The following VWA5B2 variants were observed in gnomAD, a reference collection of about 807,000 sequenced individuals.
The protein encoded by VWA5B2 is von Willebrand factor A domain containing 5B2.
A neutral mutation model predicts 118.5 loss-of-function variants in VWA5B2; 93 were observed. The observed-to-expected ratio is 0.79, with a 90% CI of 0.66 to 0.93. VWA5B2 has a LOEUF of 0.93. VWA5B2 is among the 40% of genes least tolerant of loss of function. The pLI is 0.00. For synonymous variants in VWA5B2, 708 were observed against 716.3 expected (o/e 0.99, Z 0.19); for missense variants, 1,546 against 1,672.8 (o/e 0.92, Z 1.32).
At position 184,234,159 on chromosome 3, in the gene VWA5B2, A is replaced by T. The variant is rs1031486887; in HGVS notation, c.689-107A>T. ...CCCTCGTCCATCTGACCCCATATAG[A>T]TCAGACTCTGAGAGCTGACTGAATC... On this transcript the variant is annotated intron_variant, in intron 5 of 19. Coordinates refer to ENST00000691901, the MANE Select transcript of VWA5B2 (RefSeq NM_001390846.1). 8.7e-6 allele frequency: 12 copies of T among 1,377,644 alleles called. No individual in the cohort carries two copies. The African/African-American group carries it at 1.7e-4, about 20-fold the overall frequency. The allele number at this position is 1,377,644 out of a possible 1,614,324, so 85.3% of individuals were successfully genotyped here.
At position 184,236,136 on chromosome 3, in the gene VWA5B2, C is replaced by T; in HGVS notation, c.1102-16C>T. 6.5e-7 allele frequency: 1 copy of T among 1,550,222 alleles called. No homozygotes were observed. Among genetic ancestry groups the T allele is most frequent in the Non-Finnish European group, 8.7e-7 (1 of 1,146,448 alleles). The stretch of plus-strand genomic sequence containing the variant: ...CATGGGGCCGGCCTCACGCCGCCCT[C>T]CCTGGCCCTCCACAGGATGCCATTG... On this transcript the variant is annotated splice_polypyrimidine_tract_variant and intron_variant, in intron 8 of 19. Transcript: ENST00000691901.
intron 6 of VWA5B2, 110 bp from the exon 7 acceptor site, chr3:184,234,521 C>A: frequency 6.6e-7 from 1 of 1,523,478 alleles, no homozygotes; most frequent in African/African-American, 1.4e-5. Flanking sequence ...GAGGGCAGAG[C>A]CTGTGGTGCA....
rs1309478848 is a variant in VWA5B2 at position 184,230,442 on chromosome 3, G to C, written c.-87G>C. 3.8e-6 allele frequency: 5 copies of C among 1,326,670 alleles called. No homozygotes were observed. In the African/African-American group the frequency reaches 6.2e-5, roughly 17 times the overall value. 82.2% of individuals were successfully genotyped at this position (1,326,670 alleles called of 1,614,324 possible). On this transcript the variant is annotated 5_prime_UTR_variant, in exon 2 of 20. Transcript: ENST00000691901. The stretch of plus-strand genomic sequence containing the variant: ...CCGGGTGCTGGAGTGAGACTCTCGC[G>C]CTGGCCTCTGGAGCGCGGGGTGGGC...
intron 10 of VWA5B2, 37 bp downstream of exon 10, chr3:184,236,588 C>G: frequency 6.5e-7 from 1 of 1,547,802 alleles, no homozygotes; most frequent in Non-Finnish European, 8.7e-7. Flanking sequence ...TAAGACTGAG[C>G]CCCCACAAGG....
At chr3:184,236,787 A>C (rs1296355485) in intron 11 of VWA5B2, 38 bp downstream of exon 11, 4 of 1,450,408 alleles carry the variant, frequency 2.8e-6, no homozygotes, top group Non-Finnish European at 2.8e-6. Context: ...TACACCTGGA[A>C]GTTTTTCTCC....
At position 184,231,002 on chromosome 3, in the gene VWA5B2, C is replaced by T. The variant is rs561715860; in HGVS notation, c.310+85C>T. 6.7e-6 allele frequency: 8 copies of T among 1,195,100 alleles called. No individual in the cohort carries two copies. The African/African-American group carries it at 1.3e-4, about 19-fold the overall frequency. The allele number at this position is 1,195,100 out of a possible 1,614,324, so 74.0% of individuals were successfully genotyped here. A position where few individuals can be genotyped will look rare whatever the true frequency, so the allele number is the denominator to read the frequency against. On this transcript the variant is annotated intron_variant, in intron 3 of 19. Transcript: ENST00000691901. Reference sequence around the variant, plus strand: ...ATCCGCTCGGCCTCCGCCCGTCCCCCGCCTTCCTCCGGGCACTGCCTTGTG... The same window carrying T: ...ATCCGCTCGGCCTCCGCCCGTCCCCTGCCTTCCTCCGGGCACTGCCTTGTG...
chr3:184,240,969 CCTCACTGGCCACT>C, intron 17 of VWA5B2, 41 bp downstream of exon 17: 1 of 1,551,520 alleles, frequency 6.4e-7, no homozygotes. Flanking sequence ...GCAGCTCTCA[CCTCACTGGCCACT>C]CTCCTGGACA....
At chr3:184,234,563 A>C (rs1717758827) in intron 6 of VWA5B2, 68 bp from the exon 7 acceptor site, 1 of 1,535,112 alleles carries the variant, frequency 6.5e-7, no homozygotes, top group Non-Finnish European at 8.8e-7. Flanking sequence ...CCTCCTGGAC[A>C]GTGAAACTGG....
At position 184,241,261 on chromosome 3, in the gene VWA5B2, C is replaced by T. The variant is rs1327560125; in HGVS notation, c.3037C>T (p.Pro1013Ser). The T allele has an allele frequency of 8.4e-6, 13 of 1,551,316 alleles. No individual in the cohort carries two copies. Among genetic ancestry groups the T allele is most frequent in the Non-Finnish European group, 1.1e-5 (13 of 1,146,964 alleles). The change falls in exon 19 of 20, where the codon CCT (proline) becomes TCT (serine). Residue 1013 changes from proline to serine, a missense_variant. Around this residue, in one of 3 missense-constraint regions of VWA5B2, gnomAD observed 763 missense variants for 766.6 expected, o/e 1.00. Transcript: ENST00000691901. The surrounding 1 kb of genome is among the most constrained non-coding windows in gnomAD (Gnocchi z 5.1). ...NGNSKRALGDPATPTEGPRRP... is the reference protein window; with the variant it reads ...NGNSKRALGDSATPTEGPRRP... ...CAACTCCAAGCGTGCTTTGGGGGACCCTGCCACTCCCACGGAAGGTCCTCG... is the reference window on the plus strand; with the variant it reads ...CAACTCCAAGCGTGCTTTGGGGGACTCTGCCACTCCCACGGAAGGTCCTCG...
chr3:184,236,346 G>A lies in VWA5B2; in HGVS notation c.1216G>A (p.Ala406Thr). ...AGCCTGTGCCTTCTCGCTCCAGGATGCTGTGCAGCTGATCTGCGAGAGCAT... is the reference window on the plus strand; with the variant it reads ...AGCCTGTGCCTTCTCGCTCCAGGATACTGTGCAGCTGATCTGCGAGAGCAT... ...FPESRPCSDD[A>T]VQLICESIET... Residue 406 changes from alanine (A) to threonine (T), a missense_variant, in exon 10 of 20, where the codon GCT (alanine) becomes ACT (threonine). Physicochemically the swap from Ala to Thr is moderately conservative, Grantham distance 58. Transcript: ENST00000691901. The A allele has an allele frequency of 6.5e-7, 1 of 1,547,542 alleles. No homozygotes were observed.
chr3:184,239,867 T>A lies in VWA5B2; in HGVS notation c.2571T>A (p.Gly857=). ...AGCAGCCCATGTGCTGGGAGGTGGG[T>A]GTTGGGCTGGAGACACTGTGGGGAC... ...CGEQPMCWEV[G]VGLETLWGPG... The change falls in exon 16 of 20, where the codon GGT becomes GGA. Residue 857 remains glycine (G), a synonymous_variant. Coordinates refer to ENST00000691901, the MANE Select transcript of VWA5B2 (RefSeq NM_001390846.1). The surrounding 1 kb of genome is among the most constrained non-coding windows in gnomAD (Gnocchi z 5.1). 6.4e-7 allele frequency: 1 copy of A among 1,551,438 alleles called. No individual in the cohort carries two copies. The highest frequency in any genetic ancestry group is 8.7e-7 in the Non-Finnish European group (1 of 1,146,908).
chr3:184,235,055 G>T (rs1717824427), intron 7 of VWA5B2, 98 bp from the exon 8 acceptor site: 1 of 1,404,194 alleles, frequency 7.1e-7, no homozygotes, highest in Non-Finnish European at 9.6e-7. Flanking sequence ...CCTCTGGGTG[G>T]ATCAGACAGA....
chr3:184,233,275 C>A lies in VWA5B2; in HGVS notation c.408C>A (p.Ser136Arg). 6.5e-7 allele frequency: 1 copy of A among 1,545,330 alleles called. No individual in the cohort carries two copies. The highest frequency in any genetic ancestry group is 8.7e-7 in the Non-Finnish European group (1 of 1,144,228). ...GCACCATGACGGTGACCCTGCACAG[C>A]AGCCGGGAGCTGCCCTCAAGGCCTG... ...AAGTMTVTLH[S>R]SRELPSRPDG... Residue 136 changes from serine (S) to arginine (R), a missense_variant, in exon 4 of 20, where the codon AGC becomes AGA. Transcript: ENST00000691901. The surrounding 1 kb of genome is among the most constrained non-coding windows in gnomAD (Gnocchi z 5.2).
rs1308208971 is a variant in VWA5B2 at position 184,233,570 on chromosome 3, T to A, written c.531-6T>A. 4 of 1,549,780 alleles carry A rather than the reference T, an allele frequency of 2.6e-6. No individual in the cohort carries two copies. In the Admixed American group the frequency reaches 7.9e-5, roughly 30 times the overall value. On this transcript the variant is annotated splice_region_variant and splice_polypyrimidine_tract_variant and intron_variant, in intron 4 of 19. Coordinates refer to ENST00000691901, the MANE Select transcript of VWA5B2 (RefSeq NM_001390846.1). This position sits in a 1 kb window ranked among gnomAD's most constrained non-coding sequence, Gnocchi z 5.2. ...GCCCAGTGACCCTCCTCATGCTCCC[T>A]TCCAGCCCCACCAGCTGCTTCGGGG...
At position 184,236,543 on chromosome 3, in the gene VWA5B2, G is replaced by C; in HGVS notation, c.1413G>C (p.Gly471=). 4 of 1,550,656 alleles carry C rather than the reference G, an allele frequency of 2.6e-6. No individual in the cohort carries two copies. The highest frequency in any genetic ancestry group is 3.5e-6 in the Non-Finnish European group (4 of 1,146,924). Reference sequence around the variant, plus strand: ...TGGAGCTCATGAGGTGGCACAGGGGGACAGCCAGGTATGGGATGGGCAGAA... The same window carrying C: ...TGGAGCTCATGAGGTGGCACAGGGGCACAGCCAGGTATGGGATGGGCAGAA... ...RTLELMRWHR[G]TARCFSFGLG... The change falls in exon 10 of 20, where the codon GGG becomes GGC. Residue 471 remains glycine (G), a synonymous_variant. Coordinates refer to ENST00000691901, the MANE Select transcript of VWA5B2 (RefSeq NM_001390846.1).
rs1298225159 is a variant in VWA5B2 at position 184,238,893 on chromosome 3, C to A, written c.2202+20C>A. 2.0e-6 allele frequency: 3 copies of A among 1,468,620 alleles called. No individual in the cohort carries two copies. Among genetic ancestry groups the A allele is most frequent in the Non-Finnish European group, 2.7e-6 (3 of 1,103,532 alleles). 91.0% of individuals were successfully genotyped at this position (1,468,620 alleles called of 1,614,324 possible). On this transcript the variant is annotated intron_variant, in intron 14 of 19. Coordinates refer to ENST00000691901, the MANE Select transcript of VWA5B2 (RefSeq NM_001390846.1). The surrounding 1 kb of genome is among the most constrained non-coding windows in gnomAD (Gnocchi z 5.0). ...TTCAAGGTGAGATCCAACCCACATT[C>A]ATTCGCCTTGTATCCAGCAAATATT... is the stretch of plus-strand genomic sequence containing the variant.
chr3:184,236,288 G>T lies in VWA5B2; in HGVS notation c.1212+26G>T, dbSNP rs765087298. ...GTGAGTGTGGTCCAGGGATCTGGGG[G>T]CCTTACAGAGAGGTTTCAGCCCAGT... On this transcript the variant is annotated intron_variant, in intron 9 of 19. Coordinates refer to ENST00000691901, the MANE Select transcript of VWA5B2 (RefSeq NM_001390846.1). The T allele has an allele frequency of 3.9e-6, 6 of 1,551,632 alleles. No individual in the cohort carries two copies. In the South Asian group the frequency reaches 5.9e-5, roughly 15 times the overall value.
rs776535956 is a variant in VWA5B2, at chr3:184,230,847, C to T, written c.240C>T (p.Arg80=). Residue 80 remains arginine, a synonymous_variant, in exon 3 of 20, where the codon CGC becomes CGT. Coordinates refer to ENST00000691901, the MANE Select transcript of VWA5B2 (RefSeq NM_001390846.1). ...RVSFQLQSRR[R]SQAACCRALG... ...CCTTCCAGCTGCAGAGCCGGCGCCGCTCGCAGGCCGCCTGCTGCCGCGCTC... is the reference window on the plus strand; with the variant it reads ...CCTTCCAGCTGCAGAGCCGGCGCCGTTCGCAGGCCGCCTGCTGCCGCGCTC... The T allele has an allele frequency of 2.8e-4, 354 of 1,244,606 alleles. 1 individual carries two copies. The highest frequency in any genetic ancestry group is 6.2e-4 in the South Asian group (20 of 32,310). The allele number at this position is 1,244,606 out of a possible 1,614,324, so 77.1% of individuals were successfully genotyped here. A position where few individuals can be genotyped will look rare whatever the true frequency, so the allele number is the denominator to read the frequency against.
At position 184,234,417 on chromosome 3, in the gene VWA5B2, CGTGGGCCGGCTCTG is replaced by C; in HGVS notation, c.820+21_820+34del. 1 of 1,551,380 alleles carries C rather than the reference CGTGGGCCGGCTCTG, an allele frequency of 6.4e-7. No homozygotes were observed. ...CCAGTGGTGAGAGACTGGGACACAC[CGTGGGCCGGCTCTG>C]ACCTGCTTCTACATGAATGGGGGAA... is the stretch of plus-strand genomic sequence containing the variant. On this transcript the variant is annotated intron_variant, in intron 6 of 19. Coordinates refer to ENST00000691901, the MANE Select transcript of VWA5B2 (RefSeq NM_001390846.1).
Sources: allele counts gnomAD v4.1 joint callset, GRCh38; gene constraint gnomAD v4.1.1; regional missense constraint gnomAD v4.1.1; non-coding constraint Gnocchi (gnomAD v3.1); transcripts MANE v1.5; gene names NCBI Gene and HGNC (gene_info 2026-07-23, HGNC 2026-07-21).